KHDRBS3: variants seen among roughly 807,000 people sequenced by gnomAD.
KHDRBS3 encodes KH RNA binding domain containing, signal transduction associated 3.
Under a neutral mutation model 45.6 loss-of-function variants are expected in KHDRBS3, and 23 were observed. That is an observed-to-expected ratio of 0.50 (90% confidence interval 0.36 to 0.72). The LOEUF is 0.72. Among genes scored for constraint, KHDRBS3 ranks in the 30% least tolerant of loss-of-function variants. The pLI, the probability that KHDRBS3 is intolerant of heterozygous loss-of-function variation, is 0.00. For synonymous variants in KHDRBS3, 162 were observed against 156.5 expected (o/e 1.04, Z -0.26); for missense variants, 352 against 424.8 (o/e 0.83, Z 1.51).
At chr8:135,573,194 G>A (rs1252467828) in intron 5 of KHDRBS3, among the ~76,000 whole-genome samples, 1 of 152,160 alleles carries the variant, frequency 6.6e-6, no homozygotes, top group Non-Finnish European at 1.5e-5. Flanking sequence ...CACCAAGTTA[G>A]CAATGCTGGA....
intron 6 of KHDRBS3, among the ~76,000 whole-genome samples, chr8:135,600,699 T>C (rs138335086): frequency 0.039 from 5,868 of 152,252 alleles, 160 homozygotes; most frequent in Middle Eastern, 0.065. Context: ...GTTATATATG[T>C]ATTTGAGATA....
At chr8:135,546,199 A>C (rs1281957298) in intron 3 of KHDRBS3, among the ~76,000 whole-genome samples, 1 of 152,086 alleles carries the variant, frequency 6.6e-6, no homozygotes, top group Non-Finnish European at 1.5e-5. Flanking sequence ...GCTGTATTAT[A>C]ATCAGATAGT....
chr8:135,461,645 C>T (rs868287347), intron 1 of KHDRBS3, among the ~76,000 whole-genome samples: 4 of 152,184 alleles, frequency 2.6e-5, no homozygotes, highest in Non-Finnish European at 4.4e-5. Context: ...ATGTCTTATG[C>T]ATTATAATTT....
intron 2 of KHDRBS3, among the ~76,000 whole-genome samples, chr8:135,530,810 C>A (rs771064946): frequency 6.6e-6 from 1 of 152,174 alleles, no homozygotes; most frequent in Non-Finnish European, 1.5e-5. Flanking sequence ...GACCTGCTTG[C>A]CTCCATCCTT....
chr8:135,542,307 C>T (rs1826083434), intron 2 of KHDRBS3: 1 of 186,018 alleles, frequency 5.4e-6, no homozygotes, highest in Non-Finnish European at 1.1e-5. Flanking sequence ...CATTTTTTCT[C>T]ACCTACATTC....
chr8:135,645,542 C>T (rs1248744166), intron 8 of KHDRBS3, among the ~76,000 whole-genome samples: 2 of 152,086 alleles, frequency 1.3e-5, no homozygotes, highest in Admixed American at 6.6e-5. Context: ...ATCTCAAACC[C>T]TCTGAAAAAA....
chr8:135,470,655 G>A (rs569795993), intron 1 of KHDRBS3, among the ~76,000 whole-genome samples: 2 of 149,538 alleles, frequency 1.3e-5, no homozygotes, highest in Non-Finnish European at 3.0e-5. Context: ...ATGTGATCTC[G>A]GCTCACTGCA....
At chr8:135,529,816 T>A (rs1825377218) in intron 2 of KHDRBS3, among the ~76,000 whole-genome samples, 2 of 152,056 alleles carry the variant, frequency 1.3e-5, no homozygotes, top group African/African-American at 2.4e-5. Flanking sequence ...ATCCCAGCAC[T>A]TTGGGAGGCT....
Position 135,568,507 on chromosome 8 carries a change from C to T in KHDRBS3, c.611+10920C>T, listed in dbSNP as rs568077359. Reference sequence around the variant, plus strand: ...TTCTGGAGGAGAAAAAGTGATGGGACTAAAATGACAAGAAACATCGAGAAT... The same window carrying T: ...TTCTGGAGGAGAAAAAGTGATGGGATTAAAATGACAAGAAACATCGAGAAT... On this transcript the variant is annotated intron_variant, in intron 5 of 8. Transcript: ENST00000355849. Among the ~76,000 whole-genome samples, 6 of 152,144 alleles carry T rather than the reference C, an allele frequency of 3.9e-5. No homozygotes were observed. The East Asian group carries it at 9.6e-4, about 24-fold the overall frequency.
rs776511706 is a variant in KHDRBS3, at chr8:135,582,013, C to G, written c.747C>G (p.Val249=). 8.1e-6 allele frequency: 13 copies of G among 1,612,160 alleles called. No homozygotes were observed. Among genetic ancestry groups the G allele is most frequent in the Non-Finnish European group, 1.1e-5 (13 of 1,179,108 alleles). Residue 249 remains valine (V), a synonymous_variant, in exon 6 of 9, where the codon GTC becomes GTG. Coordinates refer to ENST00000355849, the MANE Select transcript of KHDRBS3 (RefSeq NM_006558.3). ...TTCTCACTCCCAGAGCAAGAGGAGT[C>G]CCCCCAACTGGGTACAGACCTCCAC... The part of the protein sequence containing the change: ...RGLLTPRARG[V]PPTGYRPPPP...
chr8:135,520,836 A>G (rs1369305823), intron 1 of KHDRBS3, among the ~76,000 whole-genome samples: 2 of 152,232 alleles, frequency 1.3e-5, no homozygotes, highest in African/African-American at 4.8e-5. Context: ...TTGGTTGTAG[A>G]AGCCTTGAAA....
rs373981616 is a variant in KHDRBS3, at chr8:135,521,338, G to A, written c.190G>A (p.Val64Ile). Residue 64 changes from valine (V) to isoleucine (I), a missense_variant, in exon 2 of 9, where the codon GTA becomes ATA. Val to Ile is a conservative substitution (Grantham distance 29). This residue lies in a region of KHDRBS3 where 9 missense variants were observed against 36.5 expected (regional missense o/e 0.25). Coordinates refer to ENST00000355849, the MANE Select transcript of KHDRBS3 (RefSeq NM_006558.3). ...MKLGQKVLIP[V>I]KQFPKFNFVG... is the part of the protein sequence containing the mutation. The stretch of plus-strand genomic sequence containing the variant: ...GCTGGGACAGAAAGTGTTAATTCCC[G>A]TAAAACAGTTCCCTAAGGTAAGACA... The A allele has an allele frequency of 1.7e-5, 28 of 1,602,482 alleles. 1 individual carries two copies. Among genetic ancestry groups the A allele is most frequent in the Middle Eastern group, 3.3e-4 (2 of 6,058 alleles).
At chr8:135,650,582 A>G (rs1831409106), downstream of KHDRBS3, among the ~76,000 whole-genome samples, 1 of 152,220 alleles carries the variant, frequency 6.6e-6, no homozygotes, top group Non-Finnish European at 1.5e-5. Context: ...TTGCTCATGT[A>G]CCTTATAACT....
intron 5 of KHDRBS3, among the ~76,000 whole-genome samples, chr8:135,562,573 G>A (rs1485897661): frequency 2.6e-5 from 4 of 152,106 alleles, no homozygotes; most frequent in African/African-American, 9.7e-5. Flanking sequence ...CTAATGATAG[G>A]TGGTAACTAA....
chr8:135,476,266 C>T (rs1281840221), intron 1 of KHDRBS3, among the ~76,000 whole-genome samples: 1 of 152,040 alleles, frequency 6.6e-6, no homozygotes, highest in African/African-American at 2.4e-5. Context: ...GCCTGAGCCT[C>T]CTGAGTAGCT....
At chr8:135,619,583 G>C (rs1462323777) in intron 7 of KHDRBS3, among the ~76,000 whole-genome samples, 1 of 152,160 alleles carries the variant, frequency 6.6e-6, no homozygotes, top group Non-Finnish European at 1.5e-5. Context: ...TGACCTCATG[G>C]GGTTGTTGTA....
At chr8:135,581,393 AG>A (rs753637666) in intron 5 of KHDRBS3, among the ~76,000 whole-genome samples, 9 of 152,212 alleles carry the variant, frequency 5.9e-5, no homozygotes, top group Admixed American at 4.6e-4. Flanking sequence ...CACATTATTC[AG>A]GAAAGTATAT....
intron 7 of KHDRBS3, among the ~76,000 whole-genome samples, chr8:135,635,686 C>G (rs1563822635): frequency 6.6e-6 from 1 of 152,162 alleles, no homozygotes; most frequent in Non-Finnish European, 1.5e-5. Flanking sequence ...CCCGGCCTGG[C>G]AGGTAGTAGT....
rs193199622 is a variant in KHDRBS3, at chr8:135,654,781, G to A, written c.*118-1445G>A. On this transcript the variant is annotated intron_variant and NMD_transcript_variant, in intron 4 of 4. Transcript: ENST00000521461. ...GTAAGGTGGCCACACCAGGGTAGCAGGAGAGGCCGACAGGCTCTCTGAGGA... is the reference window on the plus strand; with the variant it reads ...GTAAGGTGGCCACACCAGGGTAGCAAGAGAGGCCGACAGGCTCTCTGAGGA... Among the ~76,000 whole-genome samples the A allele has an allele frequency of 4.0e-3, 606 of 152,360 alleles. 4 individuals are homozygous for A. Among genetic ancestry groups the A allele is most frequent in the African/African-American group, 0.013 (558 of 41,594 alleles).
Sources: allele counts gnomAD v4.1 joint callset (sites outside exome capture counted in the v4.1 genomes callset), GRCh38; gene constraint gnomAD v4.1.1; regional missense constraint gnomAD v4.1.1; transcripts MANE v1.5; gene names NCBI Gene and HGNC (gene_info 2026-07-23, HGNC 2026-07-21).